Variants in PAPSS2 observed in about 807,000 individuals in gnomAD.
PAPSS2 encodes the protein bifunctional 3'-phosphoadenosine 5'-phosphosulfate synthase 2.
Under a neutral mutation model 66.5 loss-of-function variants are expected in PAPSS2, and 61 were observed. The ratio of observed to expected loss-of-function variants is 0.92; its 90% CI spans 0.75 to 1.14. The LOEUF is 1.14. Among genes scored for constraint, PAPSS2 ranks in the 50% most tolerant of loss-of-function variants. The probability of loss-of-function intolerance (pLI) is 0.00; values close to 1 mark genes in which losing one functional copy is unlikely to be tolerated. For synonymous variants in PAPSS2, 289 were observed against 287.5 expected (o/e 1.01, Z -0.05); for missense variants, 708 against 789.6 (o/e 0.90, Z 1.24).
At chr10:87,698,984 G>A (rs1253341668) in intron 1 of PAPSS2, among the ~76,000 whole-genome samples, 1 of 152,156 alleles carries the variant, frequency 6.6e-6, no homozygotes, top group Non-Finnish European at 1.5e-5. Context: ...ATGTCCAGTG[G>A]GTGGTGACTG....
chr10:87,710,921 T>C (rs1360387181), intron 2 of PAPSS2, among the ~76,000 whole-genome samples: 1 of 152,050 alleles, frequency 6.6e-6, no homozygotes, highest in Non-Finnish European at 1.5e-5. Context: ...GAGAATCACT[T>C]GAACATAGGA....
At chr10:87,681,560 A>G (rs1330252865) in intron 1 of PAPSS2, among the ~76,000 whole-genome samples, 1 of 152,232 alleles carries the variant, frequency 6.6e-6, no homozygotes, top group African/African-American at 2.4e-5. Context: ...AATAATTTAT[A>G]TACTATAAAA....
At chr10:87,712,421 A>G (rs1451517432) in intron 2 of PAPSS2, among the ~76,000 whole-genome samples, 1 of 152,164 alleles carries the variant, frequency 6.6e-6, no homozygotes. Context: ...TGATTTTTTC[A>G]AGAGAATACA....
intron 1 of PAPSS2, among the ~76,000 whole-genome samples, chr10:87,675,686 C>G (rs1279149244): frequency 2.6e-5 from 4 of 152,176 alleles, no homozygotes; most frequent in Non-Finnish European, 5.9e-5. Flanking sequence ...ATCTGAGAGC[C>G]ACCTTAGAGA....
intron 1 of PAPSS2, among the ~76,000 whole-genome samples, chr10:87,665,265 G>A (rs749954330): frequency 1.3e-5 from 2 of 151,736 alleles, no homozygotes; most frequent in African/African-American, 4.8e-5. Flanking sequence ...AGGCTGGAGT[G>A]CAGTGGCGTG....
At chr10:87,673,689 C>CCTT (rs749811014) in intron 1 of PAPSS2, among the ~76,000 whole-genome samples, 23 of 67,418 alleles carry the variant, frequency 3.4e-4, no homozygotes, top group African/African-American at 1.2e-3. Context: ...TTTTGGCTTA[C>CCTT]TTTTTTTTTT....
At chr10:87,668,862 C>T (rs960627219) in intron 1 of PAPSS2, among the ~76,000 whole-genome samples, 2 of 152,162 alleles carry the variant, frequency 1.3e-5, no homozygotes, top group Non-Finnish European at 2.9e-5. Flanking sequence ...GATCACCCTA[C>T]CACACGCTTA....
chr10:87,739,811 G>A (rs1200668007), intron 9 of PAPSS2, among the ~76,000 whole-genome samples: 2 of 152,236 alleles, frequency 1.3e-5, no homozygotes, highest in East Asian at 3.8e-4. Flanking sequence ...TGCACTTGCA[G>A]TAAAAGCAAT....
chr10:87,687,176 G>A (rs1853099428), intron 1 of PAPSS2, among the ~76,000 whole-genome samples: 1 of 152,134 alleles, frequency 6.6e-6, no homozygotes, highest in African/African-American at 2.4e-5. Context: ...TGCAGGCCTT[G>A]TGTGTGTCCC....
At chr10:87,696,334 C>T (rs887801650) in intron 1 of PAPSS2, among the ~76,000 whole-genome samples, 1 of 152,024 alleles carries the variant, frequency 6.6e-6, no homozygotes, top group Non-Finnish European at 1.5e-5. Flanking sequence ...ATTTCCTGGG[C>T]TCTCTCTATA....
intron 1 of PAPSS2, among the ~76,000 whole-genome samples, chr10:87,689,349 A>C (rs1294799274): frequency 6.6e-6 from 1 of 150,920 alleles, no homozygotes; most frequent in African/African-American, 2.4e-5. Flanking sequence ...TCAAAAAAAA[A>C]AAAAAACAAA....
At chr10:87,722,043 AT>A (rs1471325196) in intron 8 of PAPSS2, among the ~76,000 whole-genome samples, 1 of 152,154 alleles carries the variant, frequency 6.6e-6, no homozygotes, top group African/African-American at 2.4e-5. Context: ...ATCATTGTAC[AT>A]TTTGTTCCTG....
At chr10:87,682,277 A>G (rs1405540124) in intron 1 of PAPSS2, among the ~76,000 whole-genome samples, 2 of 152,222 alleles carry the variant, frequency 1.3e-5, no homozygotes, top group Non-Finnish European at 2.9e-5. Flanking sequence ...AGAGGAGCAA[A>G]GGGTAACATC....
At chr10:87,685,954 A>G (rs576811850) in intron 1 of PAPSS2, among the ~76,000 whole-genome samples, 1 of 152,268 alleles carries the variant, frequency 6.6e-6, no homozygotes, top group South Asian at 2.1e-4. Context: ...AGAGCAGTGC[A>G]AAGTTTACTG....
chr10:87,660,995 G>T, intron 1 of PAPSS2: 1 of 456,018 alleles, frequency 2.2e-6, no homozygotes, highest in Non-Finnish European at 4.4e-6. Context: ...TCAGATGATT[G>T]TACTGGTTAC....
intron 1 of PAPSS2, chr10:87,661,084 T>A: frequency 2.2e-6 from 1 of 454,326 alleles, no homozygotes; most frequent in Non-Finnish European, 4.4e-6. Context: ...TATTCTTATA[T>A]AATGTGTATT....
intron 8 of PAPSS2, among the ~76,000 whole-genome samples, chr10:87,724,031 G>A (rs564057608): frequency 1.3e-5 from 2 of 151,908 alleles, no homozygotes; most frequent in East Asian, 1.9e-4. Flanking sequence ...TGTGTTATAC[G>A]CTTAACCATG....
At chr10:87,741,742 T>G (rs1033924630) in intron 10 of PAPSS2, among the ~76,000 whole-genome samples, 9 of 149,238 alleles carry the variant, frequency 6.0e-5, no homozygotes, top group Admixed American at 2.0e-4. Context: ...ATTAAAGAAT[T>G]AAGGATACCA....
rs79607291 is a variant in PAPSS2 at position 87,671,480 on chromosome 10, G to C, written c.27+11472G>C. 5.6e-4 allele frequency among the ~76,000 whole-genome samples: 85 copies of C among 152,288 alleles called. 1 individual carries two copies. The highest frequency in any genetic ancestry group is 1.9e-3 in the African/African-American group (80 of 41,556). ...CAACATTTCACCTTAAGAATACAAG[G>C]CTTCAGTGTTCTAGTGGGTGAATGC... On this transcript the variant is annotated intron_variant, in intron 1 of 12. Transcript: ENST00000456849.
Sources: gnomAD v4.1 joint callset for allele counts (sites outside exome capture counted in the v4.1 genomes callset) on GRCh38, gnomAD v4.1.1 for gene constraint, MANE v1.5 for transcripts, NCBI Gene and HGNC (gene_info 2026-07-23, HGNC 2026-07-21) for gene names.